Variants in PAK6 observed in about 807,000 individuals in gnomAD.
PAK6 encodes serine/threonine-protein kinase PAK 6.
A neutral mutation model predicts 60.8 loss-of-function variants in PAK6; 33 were observed. The observed-to-expected ratio is 0.54, with a 90% CI of 0.41 to 0.73. The LOEUF (loss-of-function observed/expected upper bound fraction) is 0.73. Ranked by LOEUF, PAK6 falls within the 30% of genes least tolerant of loss-of-function variation. The pLI is 0.00. For missense variants in PAK6, 845 were observed against 904.1 expected, an observed-to-expected ratio of 0.93 and a Z score of 0.84; for synonymous variants, 404 against 378.5, an observed-to-expected ratio of 1.07 and a Z score of -0.78.
At chr15:40,276,486 C>G (rs988337956) in exon 11 of PAK6, 1 of 174,316 alleles carries the variant, frequency 5.7e-6, no homozygotes, top group African/African-American at 2.4e-5. Flanking sequence ...CCACAGATAC[C>G]TGCTGTTCTC....
Position 40,264,483 on chromosome 15 carries a change from A to C in PAK6, c.-5-298A>C, listed in dbSNP as rs1234049651. 3 of 542,676 alleles carry C rather than the reference A, an allele frequency of 5.5e-6. No individual in the cohort carries two copies. In the African/African-American group the frequency reaches 5.6e-5, roughly 10 times the overall value. The allele number at this position is 542,676 out of a possible 1,614,324, so 33.6% of individuals were successfully genotyped here. On this transcript the variant is annotated intron_variant, in intron 3 of 10. Transcript: ENST00000560346. Reference sequence around the variant, plus strand: ...TTGTAATGGGCTTTGGATTTTATAAAAACACACCCCCAGAGTCTGCCTGCT... The same window carrying C: ...TTGTAATGGGCTTTGGATTTTATAACAACACACCCCCAGAGTCTGCCTGCT...
chr15:40,246,143 T>A (rs1010265288), intron 2 of PAK6: 1 of 152,212 alleles, frequency 6.6e-6, no homozygotes, highest in African/African-American at 2.4e-5. Context: ...TTGAAGTTCT[T>A]TTTGTCCCAG....
chr15:40,262,994 G>T (rs2039022879), intron 3 of PAK6, among the ~76,000 whole-genome samples: 1 of 152,198 alleles, frequency 6.6e-6, no homozygotes, highest in Non-Finnish European at 1.5e-5. Flanking sequence ...TCTAGGGGGT[G>T]TTCGGTGGAT....
exon 5 of PAK6, chr15:40,265,978 T>C (rs891324777): frequency 6.2e-7 from 1 of 1,602,806 alleles, no homozygotes; most frequent in Non-Finnish European, 8.5e-7. Flanking sequence ...GCACAGTCCC[T>C]GGGGCTGCTG....
chr15:40,272,129 G>C, intron 5 of PAK6, 95 bp from the exon 6 acceptor site: 1 of 1,374,768 alleles, frequency 7.3e-7, no homozygotes, highest in Non-Finnish European at 1.0e-6. Context: ...GACCCTGCCA[G>C]AGTCCAGAGG....
intron 9 of PAK6, chr15:40,273,898 G>A (rs181472960): frequency 1.5e-5 from 10 of 671,206 alleles, no homozygotes; most frequent in South Asian, 7.5e-5. Flanking sequence ...GCAGAATGGG[G>A]TATGGCCGGG....
intron 2 of PAK6, among the ~76,000 whole-genome samples, chr15:40,244,533 G>A (rs1240803920): frequency 1.3e-5 from 2 of 151,670 alleles, no homozygotes; most frequent in Non-Finnish European, 2.9e-5. Flanking sequence ...AAGTAGGTGG[G>A]ATTACAAGCA....
intron 2 of PAK6, among the ~76,000 whole-genome samples, chr15:40,249,998 C>T (rs2277562): frequency 0.15 from 22,573 of 152,290 alleles, 2,093 homozygotes; most frequent in Middle Eastern, 0.28. Context: ...AGGTCTGTGC[C>T]AGCAGCCAAG....
At chr15:40,275,308 T>TGGA (rs1318545589) in intron 10 of PAK6, among the ~76,000 whole-genome samples, 1 of 141,288 alleles carries the variant, frequency 7.1e-6, no homozygotes, top group East Asian at 2.0e-4. Flanking sequence ...TTTTTGGAGA[T>TGGA]GGAGTCTCTC....
intron 5 of PAK6, among the ~76,000 whole-genome samples, chr15:40,271,379 G>A (rs2039296637): frequency 6.6e-6 from 1 of 152,158 alleles, no homozygotes; most frequent in Admixed American, 6.5e-5. Context: ...CCCTGCCAGA[G>A]CCAATGAGGA....
At chr15:40,270,591 C>A (rs1241955123) in intron 5 of PAK6, among the ~76,000 whole-genome samples, 3 of 152,180 alleles carry the variant, frequency 2.0e-5, no homozygotes, top group Non-Finnish European at 4.4e-5. Context: ...TCCCACTGCT[C>A]CACTACACAG....
chr15:40,253,519 A>T (rs2038749243), intron 3 of PAK6, among the ~76,000 whole-genome samples: 1 of 152,248 alleles, frequency 6.6e-6, no homozygotes, highest in South Asian at 2.1e-4. Flanking sequence ...GTAGACGTCA[A>T]GACCTCAAAT....
chr15:40,266,694 T>C, intron 5 of PAK6, 199 bp downstream of exon 5: 1 of 512,266 alleles, frequency 2.0e-6, no homozygotes, highest in Non-Finnish European at 3.4e-6. Flanking sequence ...TTCCTTCTTT[T>C]CTCTGTGGCT....
exon 11 of PAK6, chr15:40,277,483 A>C (rs1310958956): frequency 6.6e-6 from 1 of 152,402 alleles, no homozygotes; most frequent in Non-Finnish European, 1.5e-5. Context: ...GAGTGTTCAA[A>C]GCCATTGGGC....
chr15:40,249,826 C>T (rs538902895), intron 2 of PAK6, among the ~76,000 whole-genome samples: 1 of 152,368 alleles, frequency 6.6e-6, no homozygotes, highest in South Asian at 2.1e-4. Flanking sequence ...CCCGATGTGC[C>T]CACCTTGCTG....
chr15:40,267,673 G>A (rs1001649191), intron 5 of PAK6, among the ~76,000 whole-genome samples: 1 of 151,998 alleles, frequency 6.6e-6, no homozygotes, highest in Non-Finnish European at 1.5e-5. Context: ...AAAAAAAAAA[G>A]AGAAAGTTCT....
exon 11 of PAK6, chr15:40,275,950 C>T (rs1159149790): frequency 6.2e-7 from 1 of 1,613,314 alleles, no homozygotes; most frequent in East Asian, 2.2e-5. Flanking sequence ...TGCGAGACTT[C>T]CTGGAGCGGA....
rs181882580 is a variant in PAK6 at position 40,244,508 on chromosome 15, C to G, written c.-118+3827C>G. 6.7e-4 allele frequency among the ~76,000 whole-genome samples: 102 copies of G among 151,604 alleles called. 1 individual carries two copies. The highest frequency in any genetic ancestry group is 2.4e-3 in the African/African-American group (100 of 41,360). The stretch of plus-strand genomic sequence containing the variant: ...CGCCTCCCTGGTTCAAGCGATTCTC[C>G]TGCCTCAGCCTCCCAAGTAGGTGGG... On this transcript the variant is annotated intron_variant, in intron 2 of 10. Coordinates refer to ENST00000560346, the Ensembl canonical transcript of PAK6.
At chr15:40,253,208 A>G (rs745951406) in exon 3 of PAK6, 9 of 456,008 alleles carry the variant, frequency 2.0e-5, no homozygotes, top group South Asian at 7.7e-5. Context: ...GCAAGGTCCC[A>G]GGTCTTCCCT....
Sources: gnomAD v4.1 joint callset for allele counts (sites outside exome capture counted in the v4.1 genomes callset) on GRCh38, gnomAD v4.1.1 for gene constraint, MANE v1.5 for transcripts, NCBI Gene and HGNC (gene_info 2026-07-23, HGNC 2026-07-21) for gene names.